ADPRHL1: variants seen among roughly 807,000 people sequenced by gnomAD.
The protein encoded by ADPRHL1 is ADP-ribosylhydrolase like 1, also known as inactive ADP-ribosyltransferase ARH2.
A neutral mutation model predicts 44.1 loss-of-function variants in ADPRHL1; 43 were observed. The observed-to-expected ratio is 0.98, with a 90% CI of 0.76 to 1.26. The LOEUF is 1.26. Among genes scored for constraint, ADPRHL1 ranks in the 50% most tolerant of loss-of-function variants. ADPRHL1 has a pLI of 0.00. For synonymous variants in ADPRHL1, 878 were observed against 1,017.4 expected (o/e 0.86, Z 2.61); for missense variants, 2,022 against 2,496.9 (o/e 0.81, Z 4.05).
chr13:113,431,346 G>A (rs896402580), intron 3 of ADPRHL1, among the ~76,000 whole-genome samples: 1 of 152,242 alleles, frequency 6.6e-6, no homozygotes, highest in Admixed American at 6.5e-5. Flanking sequence ...GCAGAGACAG[G>A]CTGCAGAGAC....
At chr13:113,448,486 AAAAAAT>A (rs1345808381) in intron 1 of ADPRHL1, among the ~76,000 whole-genome samples, 1 of 151,596 alleles carries the variant, frequency 6.6e-6, no homozygotes, top group African/African-American at 2.4e-5. Context: ...AAAAAAAAAA[AAAAAAT>A]GGTGCCTGAG....
chr13:113,424,053 C>A (rs2043945385), intron 6 of ADPRHL1, among the ~76,000 whole-genome samples, 164 bp downstream of exon 6: 1 of 152,180 alleles, frequency 6.6e-6, no homozygotes, highest in African/African-American at 2.4e-5. Flanking sequence ...TACCCTGGAG[C>A]CTGTGCCCTC....
intron 4 of ADPRHL1, 123 bp downstream of exon 4, chr13:113,428,829 G>C (rs760106937): frequency 6.9e-7 from 1 of 1,456,390 alleles, no homozygotes; most frequent in Non-Finnish European, 9.3e-7. Context: ...CACATGGCCC[G>C]GACAGGGCCC....
intron 2 of ADPRHL1, among the ~76,000 whole-genome samples, chr13:113,436,022 CA>C (rs1281043220): frequency 1.3e-5 from 2 of 151,774 alleles, no homozygotes; most frequent in African/African-American, 2.4e-5. Context: ...CCCCGGGACC[CA>C]GCACCCAGGC....
intron 1 of ADPRHL1, among the ~76,000 whole-genome samples, chr13:113,446,349 T>C (rs896261082): frequency 3.3e-5 from 5 of 151,924 alleles, no homozygotes; most frequent in African/African-American, 4.8e-5. Context: ...AGGGCTCCCG[T>C]GGCTGCAAAC....
intron 7 of ADPRHL1, chr13:113,422,483 T>A (rs1473672412): frequency 4.8e-6 from 1 of 207,482 alleles, no homozygotes; most frequent in African/African-American, 2.3e-5. Flanking sequence ...GTTAGTGTTG[T>A]TGAAGTGAGT....
rs571891019 is a variant in ADPRHL1 at position 113,410,445 on chromosome 13, C to T, written c.1062-2225G>A. Reference sequence around the variant, plus strand: ...CACTCGGAACCACTGAGGCAGACGGCGCTCCTTCCAAACCTGCCAAGGATG... The same window carrying T: ...CACTCGGAACCACTGAGGCAGACGGTGCTCCTTCCAAACCTGCCAAGGATG... On this transcript the variant is annotated intron_variant, in intron 7 of 7. Transcript: ENST00000612156. Among the ~76,000 whole-genome samples, 13 of 152,330 alleles carry T rather than the reference C, an allele frequency of 8.5e-5. No homozygotes were observed. The South Asian group carries it at 2.3e-3, about 27-fold the overall frequency.
At chr13:113,451,071 G>C (rs1014585070) in intron 1 of ADPRHL1, among the ~76,000 whole-genome samples, 5 of 152,098 alleles carry the variant, frequency 3.3e-5, no homozygotes, top group Non-Finnish European at 1.5e-5. Context: ...GTCACAGCTA[G>C]ACCAAGGAGC....
chr13:113,427,621 C>A (rs1477426266), intron 4 of ADPRHL1, among the ~76,000 whole-genome samples: 1 of 152,036 alleles, frequency 6.6e-6, no homozygotes, highest in African/African-American at 2.4e-5. Flanking sequence ...GCAACCTCCG[C>A]TTAGCCATCT....
intron 7 of ADPRHL1, among the ~76,000 whole-genome samples, chr13:113,412,684 G>A (rs1330583626): frequency 1.3e-5 from 2 of 151,660 alleles, no homozygotes; most frequent in Middle Eastern, 3.5e-3. Context: ...GTGGAGGCTC[G>A]GTTCACCCAC....
rs867812599 is a variant in ADPRHL1 at position 113,407,040 on chromosome 13, C to T, written c.2242G>A (p.Ala748Thr). ...TGGACGCCTCCTGCGGTGCTCTCTGCGGTGGGGTCTGCAGTCCCATCACCT... is the reference window on the plus strand; with the variant it reads ...TGGACGCCTCCTGCGGTGCTCTCTGTGGTGGGGTCTGCAGTCCCATCACCT... ...AGGDGTADPT[A>T]ESTAGGVQEV... Residue 748 changes from alanine to threonine, a missense_variant, in exon 8 of 8, where the codon GCA (alanine) becomes ACA (threonine). Ala to Thr is a moderately conservative substitution (Grantham distance 58). This residue lies in a region of ADPRHL1 where 1,221 missense variants were observed against 1,517.8 expected (regional missense o/e 0.80). Coordinates refer to ENST00000612156, the MANE Select transcript of ADPRHL1 (RefSeq NM_001394807.1). The T allele has an allele frequency of 2.8e-5, 35 of 1,232,140 alleles. No homozygotes were observed. The highest frequency in any genetic ancestry group is 1.2e-4 in the South Asian group (3 of 24,326). The allele number at this position is 1,232,140 out of a possible 1,614,324, so 76.3% of individuals were successfully genotyped here. A position where few individuals can be genotyped will look rare whatever the true frequency, so the allele number is the denominator to read the frequency against.
At chr13:113,412,156 G>T (rs541936268) in intron 7 of ADPRHL1, among the ~76,000 whole-genome samples, 1 of 152,268 alleles carries the variant, frequency 6.6e-6, no homozygotes, top group Admixed American at 6.5e-5. Flanking sequence ...GGCACATCCC[G>T]GGTGACTACT....
Position 113,428,965 on chromosome 13 carries a change from G to C in ADPRHL1, c.633C>G (p.Ile211Met). 1 of 1,612,672 alleles carries C rather than the reference G, an allele frequency of 6.2e-7. No individual in the cohort carries two copies. Among genetic ancestry groups the C allele is most frequent in the African/African-American group, 1.3e-5 (1 of 75,086 alleles). ...GGAGCGGCTCACCTGCCGTGTGCCG[G>C]ATGGTCTTCCTGCAGTACTCTTCTG... ...PLAEEYCRKT[I>M]RHTAEYQEHW... Residue 211 changes from isoleucine (I) to methionine (M), a missense_variant, in exon 4 of 8, where the codon ATC (isoleucine) becomes ATG (methionine). Physicochemically the swap from Ile to Met is conservative, Grantham distance 10 (BLOSUM62 1). Coordinates refer to ENST00000612156, the MANE Select transcript of ADPRHL1 (RefSeq NM_001394807.1).
chr13:113,426,469 G>A (rs927889713), intron 4 of ADPRHL1, among the ~76,000 whole-genome samples: 3 of 152,234 alleles, frequency 2.0e-5, no homozygotes, highest in Non-Finnish European at 2.9e-5. Context: ...AGCTCAGGGC[G>A]CTGGAGAGCA....
At chr13:113,415,249 G>A (rs187634934) in intron 7 of ADPRHL1, among the ~76,000 whole-genome samples, 28 of 152,284 alleles carry the variant, frequency 1.8e-4, no homozygotes, top group African/African-American at 6.7e-4. Context: ...GCCCGTGTCC[G>A]GGTGGGGCAG....
chr13:113,426,055 C>T (rs2043966106), intron 4 of ADPRHL1, among the ~76,000 whole-genome samples: 1 of 152,200 alleles, frequency 6.6e-6, no homozygotes, highest in African/African-American at 2.4e-5. Context: ...TTGCATTAGC[C>T]CTGTGCCTGC....
At position 113,448,031 on chromosome 13, in the gene ADPRHL1, A is replaced by C. The variant is rs551067727; in HGVS notation, c.215-3442T>G. Among the ~76,000 whole-genome samples the C allele has an allele frequency of 4.6e-5, 7 of 152,336 alleles. No individual in the cohort carries two copies. The East Asian group carries it at 1.3e-3, about 29-fold the overall frequency. On this transcript the variant is annotated intron_variant, in intron 1 of 7. Coordinates refer to ENST00000612156, the MANE Select transcript of ADPRHL1 (RefSeq NM_001394807.1). Reference sequence around the variant, plus strand: ...CTTTTCAAAGCAAACAGAAGCCATAAAACAAAATGGCACAAACAGCATTGT... The same window carrying C: ...CTTTTCAAAGCAAACAGAAGCCATACAACAAAATGGCACAAACAGCATTGT...
chr13:113,422,729 C>T (rs987602165), intron 7 of ADPRHL1, 97 bp downstream of exon 7: 43 of 1,521,292 alleles, frequency 2.8e-5, no homozygotes, highest in Non-Finnish European at 3.8e-5. Flanking sequence ...GCAGTGGAGC[C>T]TCACAGAGAC....
chr13:113,413,129 G>A (rs1016621038), intron 7 of ADPRHL1, among the ~76,000 whole-genome samples: 1 of 147,084 alleles, frequency 6.8e-6, no homozygotes, highest in Non-Finnish European at 1.5e-5. Flanking sequence ...ACAGCTCCTC[G>A]CAGAGCTCGG....
Sources: allele counts gnomAD v4.1 joint callset (sites outside exome capture counted in the v4.1 genomes callset), GRCh38; gene constraint gnomAD v4.1.1; regional missense constraint gnomAD v4.1.1; transcripts MANE v1.5; gene names NCBI Gene and HGNC (gene_info 2026-07-23, HGNC 2026-07-21).